Variants in MARCHF8 observed in about 807,000 individuals in gnomAD.
MARCHF8 encodes the protein membrane associated ring-CH-type finger 8, also known as E3 ubiquitin-protein ligase MARCHF8.
MARCHF8 carries 40 observed loss-of-function variants against 51.6 expected under a neutral mutation model. The observed-to-expected ratio is 0.77, with a 90% CI of 0.60 to 1.01. The LOEUF (loss-of-function observed/expected upper bound fraction) is 1.01. MARCHF8 is among the 50% of genes least tolerant of loss of function. The pLI is 0.00. For synonymous variants in MARCHF8, 263 were observed against 280.3 expected (o/e 0.94, Z 0.62); for missense variants, 685 against 708.6 (o/e 0.97, Z 0.38).
At chr10:45,552,113 C>T (rs1333198149) in intron 1 of MARCHF8, among the ~76,000 whole-genome samples, 2 of 152,030 alleles carry the variant, frequency 1.3e-5, no homozygotes, top group African/African-American at 2.4e-5. Context: ...TTTGTGCTTC[C>T]TTATGACTAA....
chr10:45,575,980 C>T (rs1269938010), intron 1 of MARCHF8, among the ~76,000 whole-genome samples: 1 of 152,198 alleles, frequency 6.6e-6, no homozygotes, highest in Non-Finnish European at 1.5e-5. Context: ...CCCTTTCTCC[C>T]TTTGCTGACT....
intron 3 of MARCHF8, among the ~76,000 whole-genome samples, chr10:45,470,304 G>C (rs1349172109): frequency 2.6e-5 from 4 of 152,176 alleles, no homozygotes; most frequent in Non-Finnish European, 4.4e-5. Flanking sequence ...GCAGAACACA[G>C]CTCCCTAAAG....
Position 45,463,767 on chromosome 10 carries a change from G to C in MARCHF8, c.472C>G (p.Leu158Val). The change falls in exon 5 of 8, where the codon CTC becomes GTC. Residue 158 changes from leucine to valine, a missense_variant. By Grantham distance (32) the Leu-to-Val change is conservative. Transcript: ENST00000453424. ...TGCGCCTTCTCACCCACATCATTGA[G>C]GGACCTTGAGAACTTTAGTGTTCTT... ...ARRTLKFSRSLNDVGEKAQDT... is the reference protein window; with the variant it reads ...ARRTLKFSRSVNDVGEKAQDT... The C allele has an allele frequency of 6.4e-7, 1 of 1,551,108 alleles. No individual in the cohort carries two copies. Among genetic ancestry groups the C allele is most frequent in the Non-Finnish European group, 8.7e-7 (1 of 1,147,136 alleles).
chr10:45,494,649 G>A (rs1303330086), intron 2 of MARCHF8, among the ~76,000 whole-genome samples: 5 of 152,182 alleles, frequency 3.3e-5, no homozygotes, highest in Non-Finnish European at 7.3e-5. Flanking sequence ...GATTTCCTGG[G>A]AAAACATTTT....
chr10:45,462,787 G>A (rs535986850), intron 5 of MARCHF8, among the ~76,000 whole-genome samples: 30 of 151,950 alleles, frequency 2.0e-4, no homozygotes, highest in East Asian at 5.8e-4. Flanking sequence ...CACCACGCCC[G>A]GCTAATTTTT....
chr10:45,487,291 GT>G (rs1162206210), intron 3 of MARCHF8, among the ~76,000 whole-genome samples: 2 of 151,948 alleles, frequency 1.3e-5, no homozygotes, highest in South Asian at 2.1e-4. Context: ...TTTGCAAACA[GT>G]TTTTTTTAAC....
intron 2 of MARCHF8, among the ~76,000 whole-genome samples, chr10:45,500,020 T>C (rs1387176871): frequency 6.6e-6 from 1 of 152,358 alleles, no homozygotes; most frequent in South Asian, 2.1e-4. Flanking sequence ...CAGATTGATT[T>C]GGGCAGTACT....
chr10:45,486,226 C>A (rs917355100), intron 3 of MARCHF8, among the ~76,000 whole-genome samples: 30 of 152,210 alleles, frequency 2.0e-4, no homozygotes, highest in Non-Finnish European at 1.2e-4. Flanking sequence ...CCGGAACTCA[C>A]TGGACACACT....
At chr10:45,506,258 G>A (rs774934141) in intron 2 of MARCHF8, among the ~76,000 whole-genome samples, 2 of 152,242 alleles carry the variant, frequency 1.3e-5, no homozygotes, top group Non-Finnish European at 2.9e-5. Context: ...CTTTGGAAAT[G>A]GGACCAGTTT....
chr10:45,573,266 TCC>T (rs1282428505), intron 1 of MARCHF8, among the ~76,000 whole-genome samples: 1 of 152,138 alleles, frequency 6.6e-6, no homozygotes, highest in Non-Finnish European at 1.5e-5. Flanking sequence ...AAAATTAAAT[TCC>T]GGCCCTCAAA....
intron 2 of MARCHF8, among the ~76,000 whole-genome samples, chr10:45,503,492 C>T (rs1028894366): frequency 6.6e-6 from 1 of 151,566 alleles, no homozygotes; most frequent in African/African-American, 2.4e-5. Flanking sequence ...GCCGAGATAT[C>T]GTGCCACTGC....
intron 2 of MARCHF8, among the ~76,000 whole-genome samples, chr10:45,494,552 C>A (rs1029277114): frequency 5.3e-5 from 8 of 152,182 alleles, no homozygotes; most frequent in Non-Finnish European, 1.2e-4. Context: ...ACAAACCCAG[C>A]TAAAAGTTCT....
intron 3 of MARCHF8, among the ~76,000 whole-genome samples, chr10:45,488,334 T>G (rs1284160942): frequency 6.6e-6 from 1 of 152,136 alleles, no homozygotes; most frequent in Non-Finnish European, 1.5e-5. Flanking sequence ...CTAACAGACC[T>G]GTTAATCCTT....
At chr10:45,460,437 C>G (rs898867402) in intron 6 of MARCHF8, among the ~76,000 whole-genome samples, 2 of 152,208 alleles carry the variant, frequency 1.3e-5, no homozygotes, top group African/African-American at 4.8e-5. Context: ...TGAGCATTTC[C>G]TTTTCTGAAT....
chr10:45,543,487 A>C (rs1440793653), intron 1 of MARCHF8, among the ~76,000 whole-genome samples: 1 of 152,222 alleles, frequency 6.6e-6, no homozygotes, highest in Admixed American at 6.5e-5. Flanking sequence ...AATACTTGAC[A>C]ATCATATATC....
intron 3 of MARCHF8, among the ~76,000 whole-genome samples, chr10:45,465,222 C>T (rs1842930220): frequency 6.6e-6 from 1 of 152,156 alleles, no homozygotes; most frequent in African/African-American, 2.4e-5. Flanking sequence ...CAGACCTATG[C>T]GTATTCATAA....
chr10:45,535,181 A>G (rs980845073), intron 1 of MARCHF8, 30 bp downstream of exon 1: 2 of 152,250 alleles, frequency 1.3e-5, no homozygotes, highest in Non-Finnish European at 2.9e-5. Flanking sequence ...TTTGTATTCA[A>G]GCACGTCACA....
Position 45,584,879 on chromosome 10 carries a change from G to A in MARCHF8, c.-79+9356C>T, listed in dbSNP as rs139165642. 1.6e-3 allele frequency among the ~76,000 whole-genome samples: 242 copies of A among 152,314 alleles called. 1 individual carries two copies. The highest frequency in any genetic ancestry group is 5.2e-3 in the African/African-American group (215 of 41,568). ...TCACAAGGCAAGAAATGTATGGCCT[G>A]TAGAAGCTGAGAACGACCATCAGCT... On this transcript the variant is annotated intron_variant, in intron 1 of 6. Transcript: ENST00000319836.
At chr10:45,494,238 C>T (rs1252316478) in intron 2 of MARCHF8, among the ~76,000 whole-genome samples, 1 of 152,226 alleles carries the variant, frequency 6.6e-6, no homozygotes, top group African/African-American at 2.4e-5. Context: ...TGGCTCCCAA[C>T]AGAATGTACT....
Sources: gnomAD v4.1 joint callset for allele counts (sites outside exome capture counted in the v4.1 genomes callset) on GRCh38, gnomAD v4.1.1 for gene constraint, MANE v1.5 for transcripts, NCBI Gene and HGNC (gene_info 2026-07-23, HGNC 2026-07-21) for gene names.